ITSN1: variants seen among roughly 807,000 people sequenced by gnomAD.
ITSN1 encodes intersectin-1.
In ITSN1, 58 loss-of-function variants were observed where a neutral mutation model predicts 239.8. That is an observed-to-expected ratio of 0.24 (90% CI 0.20 to 0.30). The LOEUF (loss-of-function observed/expected upper bound fraction) is 0.30. Ranked by LOEUF, ITSN1 falls within the 10% of genes least tolerant of loss-of-function variation. The pLI, the probability that ITSN1 is intolerant of heterozygous loss-of-function variation, is 1.00. For missense variants in ITSN1, 1,558 were observed against 2,103.3 expected (o/e 0.74, Z 5.07); for synonymous variants, 780 against 770.8 (o/e 1.01, Z -0.20).
intron 1 of ITSN1, among the ~76,000 whole-genome samples, chr21:33,708,955 T>G (rs960458799): frequency 2.0e-5 from 3 of 152,196 alleles, no homozygotes; most frequent in African/African-American, 7.2e-5. Flanking sequence ...TTGCCAAAAA[T>G]CAGTTAACCA....
At chr21:33,658,214 A>G (rs187377914) in intron 1 of ITSN1, among the ~76,000 whole-genome samples, 3 of 152,306 alleles carry the variant, frequency 2.0e-5, no homozygotes, top group African/African-American at 7.2e-5. Flanking sequence ...GGTCATCATA[A>G]CATTCTTCAT....
In ITSN1 at chr21:33,750,307, G is replaced by C. The variant is rs765893804; in HGVS notation, c.511G>C (p.Ala171Pro). The change falls in exon 6 of 40, where the codon GCA becomes CCA. Residue 171 changes from alanine to proline, a missense_variant. Physicochemically the swap from Ala to Pro is conservative, Grantham distance 27. This residue lies in a region of ITSN1 where 982 missense variants were observed against 1,209.9 expected (regional missense o/e 0.81). Transcript: ENST00000381318. ...GAPPVIQPLP[A>P]FAHPAATLPK... ...TCCCCCTGTTATACAACCTCTGCCT[G>C]CATTTGCTCATCCTGGTATGTGACT... 3.8e-5 allele frequency: 62 copies of C among 1,613,026 alleles called. No individual in the cohort carries two copies. The highest frequency in any genetic ancestry group is 1.9e-4 in the Middle Eastern group (1 of 5,242).
intron 4 of ITSN1, among the ~76,000 whole-genome samples, chr21:33,728,848 T>C (rs1396969784): frequency 2.6e-5 from 4 of 152,160 alleles, no homozygotes; most frequent in Non-Finnish European, 5.9e-5. Context: ...TTCATAGATA[T>C]AACCCCAATT....
chr21:33,704,300 A>C (rs1601736035), intron 1 of ITSN1, among the ~76,000 whole-genome samples: 1 of 152,138 alleles, frequency 6.6e-6, no homozygotes, highest in Non-Finnish European at 1.5e-5. Flanking sequence ...GTGATCTGCT[A>C]TGACATTACA....
chr21:33,672,614 A>G (rs1355090842), intron 1 of ITSN1, among the ~76,000 whole-genome samples: 2 of 152,216 alleles, frequency 1.3e-5, no homozygotes, highest in Non-Finnish European at 2.9e-5. Flanking sequence ...ATGACCCAGC[A>G]ATCCCTATAC....
Position 33,779,648 on chromosome 21 carries a change from G to T in ITSN1, c.1597-1813G>T, listed in dbSNP as rs138758976. On this transcript the variant is annotated intron_variant, in intron 14 of 39. Transcript: ENST00000381318. The stretch of plus-strand genomic sequence containing the variant: ...ACTGAGAGTGGAACACTGAAATCCT[G>T]ATCATTGTGGATTTGTATATCTTCC... Among the ~76,000 whole-genome samples, 58 of 152,182 alleles carry T rather than the reference G, an allele frequency of 3.8e-4. 1 individual carries two copies. The East Asian group carries it at 0.01, about 27-fold the overall frequency.
intron 1 of ITSN1, among the ~76,000 whole-genome samples, chr21:33,716,120 C>T (rs1344679590): frequency 6.6e-6 from 1 of 152,086 alleles, no homozygotes; most frequent in Non-Finnish European, 1.5e-5. Flanking sequence ...CAGCATGCCC[C>T]AGGGATATCT....
At chr21:33,721,087 G>T (rs997997307) in intron 2 of ITSN1, 91 bp from the exon 3 acceptor site, 7 of 796,198 alleles carry the variant, frequency 8.8e-6, no homozygotes, top group Non-Finnish European at 1.5e-5. Flanking sequence ...TACATTGACA[G>T]AATCTTGAAG....
rs116287665 is a variant in ITSN1, at chr21:33,771,172, G to A, written c.1043-889G>A. Among the ~76,000 whole-genome samples the A allele has an allele frequency of 7.6e-3, 1,159 of 152,294 alleles. 8 individuals carry two copies. Among genetic ancestry groups the A allele is most frequent in the African/African-American group, 0.026 (1,094 of 41,560 alleles). On this transcript the variant is annotated intron_variant, in intron 11 of 39. Coordinates refer to ENST00000381318, the MANE Select transcript of ITSN1 (RefSeq NM_003024.3). ...TACTTGCCCGCTTTCATCTCTAATC[G>A]CTGACTACAGTACGTGAAGGAAGTC...
intron 5 of ITSN1, among the ~76,000 whole-genome samples, chr21:33,749,215 C>T (rs1031984102): frequency 2.0e-5 from 3 of 152,100 alleles, no homozygotes; most frequent in Non-Finnish European, 2.9e-5. Flanking sequence ...GTTTTGGACT[C>T]CTGCCCTCAA....
rs552122621 is a variant in ITSN1 at position 33,892,188 on chromosome 21, G to T, written c.*3888G>T. On this transcript the variant is annotated 3_prime_UTR_variant, in exon 40 of 40. Coordinates refer to ENST00000381318, the MANE Select transcript of ITSN1 (RefSeq NM_003024.3). ...AAAGGCACCTGGATTGCTTTGTTTT[G>T]CTTTTAGATAAAAGAGCTTTAGCTC... 4.1e-4 allele frequency: 62 copies of T among 152,316 alleles called. No individual in the cohort carries two copies. The highest frequency in any genetic ancestry group is 1.5e-3 in the African/African-American group (61 of 41,574). The allele number at this position is 152,316 out of a possible 1,614,324, so 9.4% of individuals were successfully genotyped here.
chr21:33,669,736 C>T (rs928586646), intron 1 of ITSN1, among the ~76,000 whole-genome samples: 4 of 152,052 alleles, frequency 2.6e-5, no homozygotes, highest in Non-Finnish European at 4.4e-5. Context: ...CCACCGCTCT[C>T]GGCCCTCATT....
chr21:33,874,369 C>T (rs1031808101), intron 33 of ITSN1, among the ~76,000 whole-genome samples: 1 of 152,066 alleles, frequency 6.6e-6, no homozygotes, highest in African/African-American at 2.4e-5. Flanking sequence ...GAAGGAGCCA[C>T]CCTTGCTGCA....
chr21:33,672,510 G>A (rs934409898), intron 1 of ITSN1, among the ~76,000 whole-genome samples: 2 of 152,148 alleles, frequency 1.3e-5, no homozygotes, highest in Non-Finnish European at 2.9e-5. Context: ...AAAAGGGAAC[G>A]CTTGTACACT....
chr21:33,717,813 C>T (rs760590483), intron 1 of ITSN1, among the ~76,000 whole-genome samples: 16 of 152,142 alleles, frequency 1.1e-4, no homozygotes, highest in Admixed American at 2.6e-4. Flanking sequence ...GTGATCCGCC[C>T]GCCTTGGCCT....
chr21:33,649,134 TGTG>T (rs2088262276), intron 1 of ITSN1, among the ~76,000 whole-genome samples: 1 of 152,120 alleles, frequency 6.6e-6, no homozygotes, highest in Non-Finnish European at 1.5e-5. Flanking sequence ...CAGCTGGGTG[TGTG>T]TGTCCAGGTA....
chr21:33,797,287 T>G lies in ITSN1; in HGVS notation c.1953-92T>G. ...ATGTTCCCTTGATGTTCCCATCCCA[T>G]TTACTGGATGGAGCTTTTTTTGTGA... On this transcript the variant is annotated intron_variant, in intron 17 of 39. Transcript: ENST00000381318. This position sits in a 1 kb window ranked among gnomAD's most constrained non-coding sequence, Gnocchi z 4.9. 9.6e-7 allele frequency: 1 copy of G among 1,043,210 alleles called. No homozygotes were observed. Among genetic ancestry groups the G allele is most frequent in the Non-Finnish European group, 1.5e-6 (1 of 683,462 alleles). The allele number at this position is 1,043,210 out of a possible 1,614,324, so 64.6% of individuals were successfully genotyped here. A position where few individuals can be genotyped will look rare whatever the true frequency, so the allele number is the denominator to read the frequency against.
intron 1 of ITSN1, among the ~76,000 whole-genome samples, chr21:33,702,289 A>G (rs997256726): frequency 4.6e-5 from 7 of 151,662 alleles, no homozygotes; most frequent in African/African-American, 1.7e-4. Flanking sequence ...GCTAATTTTT[A>G]TATTTTTAGT....
chr21:33,889,693 C>G lies in ITSN1; in HGVS notation c.*1393C>G, dbSNP rs1332013410. On this transcript the variant is annotated 3_prime_UTR_variant, in exon 40 of 40. Transcript: ENST00000381318. ...ATGTTCTGTTGGTACTGGAGTCTAGCTTTCCTGTACTAGATGGTGTTCTCT... is the reference window on the plus strand; with the variant it reads ...ATGTTCTGTTGGTACTGGAGTCTAGGTTTCCTGTACTAGATGGTGTTCTCT... The G allele has an allele frequency of 3.3e-5, 5 of 152,126 alleles. No individual in the cohort carries two copies. The highest frequency in any genetic ancestry group is 1.2e-4 in the African/African-American group (5 of 41,422). 9.4% of individuals were successfully genotyped at this position (152,126 alleles called of 1,614,324 possible).
Sources: allele counts gnomAD v4.1 joint callset (sites outside exome capture counted in the v4.1 genomes callset), GRCh38; gene constraint gnomAD v4.1.1; regional missense constraint gnomAD v4.1.1; non-coding constraint Gnocchi (gnomAD v3.1); transcripts MANE v1.5; gene names NCBI Gene and HGNC (gene_info 2026-07-23, HGNC 2026-07-21).